ANAPC5: variants seen among roughly 807,000 people sequenced by gnomAD.
ANAPC5 encodes anaphase promoting complex subunit 5.
ANAPC5 carries 60 observed loss-of-function variants against 91.3 expected under a neutral mutation model. The observed-to-expected ratio is 0.66, with a 90% confidence interval of 0.53 to 0.81. The LOEUF (loss-of-function observed/expected upper bound fraction) is 0.81, where lower values mean the gene tolerates loss of function less well. ANAPC5 is among the 40% of genes least tolerant of loss of function. The probability of loss-of-function intolerance (pLI) is 0.00; values close to 1 mark genes in which losing one functional copy is unlikely to be tolerated. For missense variants in ANAPC5, 690 were observed against 931.5 expected (o/e 0.74, Z 3.37); for synonymous variants, 340 against 364.1 (o/e 0.93, Z 0.75).
chr12:121,312,161 AAACCAGAAAATTCAC>A (rs1352317222), intron 15 of ANAPC5, among the ~76,000 whole-genome samples: 7 of 152,228 alleles, frequency 4.6e-5, no homozygotes, highest in African/African-American at 1.7e-4. Flanking sequence ...TAACAGAAGG[AAACCAGAAAATTCAC>A]AAATATGTGG....
Position 121,327,405 on chromosome 12 carries a change from C to T in ANAPC5, c.1305-174G>A. 6 of 715,126 alleles carry T rather than the reference C, an allele frequency of 8.4e-6. No homozygotes were observed. The South Asian group carries it at 1.2e-4, about 14-fold the overall frequency. The allele number at this position is 715,126 out of a possible 1,614,324, so 44.3% of individuals were successfully genotyped here. A position where few individuals can be genotyped will look rare whatever the true frequency, so the allele number is the denominator to read the frequency against. On this transcript the variant is annotated intron_variant, in intron 10 of 16. Coordinates refer to ENST00000261819, the MANE Select transcript of ANAPC5 (RefSeq NM_016237.5). Reference sequence around the variant, plus strand: ...AACCTTGCCCTCAGGATAAGAAAGGCAGAAAAGCATCCTGGATGTGCAGCG... The same window carrying T: ...AACCTTGCCCTCAGGATAAGAAAGGTAGAAAAGCATCCTGGATGTGCAGCG...
At chr12:121,345,363 T>G (rs762452705) in intron 4 of ANAPC5, among the ~76,000 whole-genome samples, 1 of 151,842 alleles carries the variant, frequency 6.6e-6, no homozygotes, top group Non-Finnish European at 1.5e-5. Flanking sequence ...TCAAATTGAG[T>G]AGTCTGAGAA....
At chr12:121,317,210 G>C (rs1340760632) in intron 15 of ANAPC5, among the ~76,000 whole-genome samples, 2 of 150,786 alleles carry the variant, frequency 1.3e-5, no homozygotes, top group East Asian at 3.9e-4. Context: ...CCACTGAAAT[G>C]TACACTTTAA....
Position 121,328,386 on chromosome 12 carries a change from G to A in ANAPC5, c.1234C>T (p.His412Tyr), listed in dbSNP as rs368102538. 3.7e-6 allele frequency: 6 copies of A among 1,613,888 alleles called. No homozygotes were observed. Among genetic ancestry groups the A allele is most frequent in the East Asian group, 2.2e-5 (1 of 44,880 alleles). Residue 412 changes from histidine (H) to tyrosine (Y), a missense_variant, in exon 10 of 17, where the codon CAC becomes TAC. Physicochemically the swap from His to Tyr is moderately conservative, Grantham distance 83. Coordinates refer to ENST00000261819, the MANE Select transcript of ANAPC5 (RefSeq NM_016237.5). ...LKDSDLLHWK[H>Y]SLSELIDISI... ...ATATCGATGAGCTCTGACAGGCTGT[G>A]TTTCCAGTGCAGGAGGTCGGAGTCC...
intron 4 of ANAPC5, among the ~76,000 whole-genome samples, chr12:121,343,695 C>T (rs1247351359): frequency 2.0e-5 from 3 of 152,162 alleles, no homozygotes; most frequent in Non-Finnish European, 4.4e-5. Context: ...ATAGAAAGTG[C>T]GATAAGCATT....
rs1277521243 is a variant in ANAPC5 at position 121,331,262 on chromosome 12, C to A, written c.1032+85G>T. 3.3e-6 allele frequency: 4 copies of A among 1,225,338 alleles called. No individual in the cohort carries two copies. The African/African-American group carries it at 5.9e-5, about 18-fold the overall frequency. 75.9% of individuals were successfully genotyped at this position (1,225,338 alleles called of 1,614,324 possible). A position where few individuals can be genotyped will look rare whatever the true frequency, so the allele number is the denominator to read the frequency against. ...TTGCTGCTGAAGATCTCTGCTCCAA[C>A]TGCAAAACAACCCAATTCAACGGGG... On this transcript the variant is annotated intron_variant, in intron 8 of 16. Transcript: ENST00000261819.
At chr12:121,349,435 C>A (rs1450622594) in intron 1 of ANAPC5, among the ~76,000 whole-genome samples, 3 of 151,908 alleles carry the variant, frequency 2.0e-5, no homozygotes, top group Admixed American at 6.6e-5. Flanking sequence ...TGGCAGGTGC[C>A]TGTAGTCCTA....
At chr12:121,337,866 T>C (rs1903307195) in intron 5 of ANAPC5, among the ~76,000 whole-genome samples, 1 of 152,134 alleles carries the variant, frequency 6.6e-6, no homozygotes, top group African/African-American at 2.4e-5. Flanking sequence ...TCCAGGCAGG[T>C]AATGTGTTTG....
At chr12:121,321,349 T>C (rs1902600574) in intron 11 of ANAPC5, among the ~76,000 whole-genome samples, 1 of 144,302 alleles carries the variant, frequency 6.9e-6, no homozygotes, top group African/African-American at 2.6e-5. Flanking sequence ...ATTACTTTTT[T>C]TTTTTTTTTT....
chr12:121,346,844 G>T, intron 3 of ANAPC5, 52 bp downstream of exon 3: 4 of 1,114,136 alleles, frequency 3.6e-6, no homozygotes, highest in Non-Finnish European at 3.9e-6. Context: ...GACTTAGAAA[G>T]CTGCTCACTT....
At chr12:121,308,755 G>A (rs925571022) in intron 16 of ANAPC5, 64 bp from the exon 17 acceptor site, 24 of 1,295,762 alleles carry the variant, frequency 1.9e-5, no homozygotes, top group Admixed American at 1.5e-4. Flanking sequence ...TTTTCAAAAC[G>A]TGGTATTTAG....
chr12:121,339,663 T>C (rs1301405949), intron 5 of ANAPC5, among the ~76,000 whole-genome samples: 1 of 151,888 alleles, frequency 6.6e-6, no homozygotes, highest in Non-Finnish European at 1.5e-5. Context: ...GAGACGGGGT[T>C]TCACCATGTT....
intron 15 of ANAPC5, among the ~76,000 whole-genome samples, chr12:121,310,787 A>G (rs1189727853): frequency 6.6e-6 from 1 of 151,902 alleles, no homozygotes; most frequent in African/African-American, 2.4e-5. Context: ...TACAAAAATT[A>G]GCTGGGCATA....
intron 2 of ANAPC5, 80 bp from the exon 3 acceptor site, chr12:121,347,085 A>C (rs1415053840): frequency 2.5e-6 from 2 of 802,498 alleles, no homozygotes; most frequent in Non-Finnish European, 3.9e-6. Flanking sequence ...CAATTACCTC[A>C]AATAATGTAT....
At chr12:121,352,053 T>A in intron 1 of ANAPC5, 81 bp downstream of exon 1, 2 of 1,319,088 alleles carry the variant, frequency 1.5e-6, no homozygotes, top group Non-Finnish European at 2.0e-6. Flanking sequence ...GACACGAGTG[T>A]CCCCAAGCCC....
At position 121,352,224 on chromosome 12, in the gene ANAPC5, C is replaced by A. The variant is rs782513087; in HGVS notation, c.117G>T (p.Val39=). The A allele has an allele frequency of 6.2e-7, 1 of 1,614,188 alleles. No homozygotes were observed. The highest frequency in any genetic ancestry group is 8.5e-7 in the Non-Finnish European group (1 of 1,180,032). The stretch of plus-strand genomic sequence containing the variant: ...CTGTGCGGCTCATCTCGTTCAGCAG[C>A]ACCAGCACCGCGATCTTGTACGGCG... ...WVTPYKIAVL[V]LLNEMSRTGE... The change falls in exon 1 of 17, where the codon GTG becomes GTT. Residue 39 remains valine, a synonymous_variant. Transcript: ENST00000261819.
intron 9 of ANAPC5, 88 bp downstream of exon 9, chr12:121,330,495 T>C: frequency 9.5e-7 from 1 of 1,048,062 alleles, no homozygotes; most frequent in Non-Finnish European, 1.4e-6. Context: ...ATTCTAAATC[T>C]ATCGCTGGTT....
intron 15 of ANAPC5, among the ~76,000 whole-genome samples, chr12:121,316,658 G>A (rs544672413): frequency 6.1e-4 from 91 of 150,286 alleles, no homozygotes; most frequent in Non-Finnish European, 1.1e-3. Flanking sequence ...GCATGAACCC[G>A]GGAGGCGGAG....
At chr12:121,319,237 C>CTT (rs71790112) in intron 13 of ANAPC5, among the ~76,000 whole-genome samples, 1 of 141,896 alleles carries the variant, frequency 7.0e-6, no homozygotes, top group Non-Finnish European at 1.5e-5. Flanking sequence ...TCTGTATTTT[C>CTT]TTTTTTTTTT....
Sources: gnomAD v4.1 joint callset for allele counts (sites outside exome capture counted in the v4.1 genomes callset) on GRCh38, gnomAD v4.1.1 for gene constraint, MANE v1.5 for transcripts, NCBI Gene and HGNC (gene_info 2026-07-23, HGNC 2026-07-21) for gene names.